Variants in ARHGAP22 observed in about 807,000 individuals in gnomAD.
The protein encoded by ARHGAP22 is Rho GTPase activating protein 22.
In ARHGAP22, 48 loss-of-function variants were observed where a neutral mutation model predicts 59.1. That is an observed-to-expected ratio of 0.81 (90% confidence interval 0.64 to 1.03). The LOEUF is 1.03. ARHGAP22 is among the 50% of genes least tolerant of loss of function. ARHGAP22 has a pLI of 0.00. For missense variants in ARHGAP22, 1,015 were observed against 958.7 expected (o/e 1.06, Z -0.78); for synonymous variants, 445 against 416.4 (o/e 1.07, Z -0.84).
At chr10:48,600,134 T>A (rs2060296074) in intron 1 of ARHGAP22, among the ~76,000 whole-genome samples, 1 of 152,204 alleles carries the variant, frequency 6.6e-6, no homozygotes, top group African/African-American at 2.4e-5. Flanking sequence ...AATAGGACAT[T>A]TGCATGTAAT....
chr10:48,558,338 ATG>A (rs1491320734), intron 2 of ARHGAP22, among the ~76,000 whole-genome samples: 4 of 83,272 alleles, frequency 4.8e-5, no homozygotes, highest in Non-Finnish European at 1.2e-4. Flanking sequence ...TTGCGATTTA[ATG>A]TTTTTTTTTT....
intron 3 of ARHGAP22, among the ~76,000 whole-genome samples, chr10:48,491,762 G>A (rs1163050999): frequency 1.3e-5 from 2 of 152,376 alleles, no homozygotes; most frequent in East Asian, 3.9e-4. Context: ...GATCTTGAGG[G>A]AAGCAGTATC....
chr10:48,510,777 G>A (rs183829903), intron 3 of ARHGAP22: 1 of 152,342 alleles, frequency 6.6e-6, no homozygotes, highest in East Asian at 1.9e-4. Context: ...CCAGACTCAG[G>A]GGCTGTGGGT....
Position 48,459,896 on chromosome 10 carries a change from G to C in ARHGAP22, c.452-5C>G. ...CTAGGCGCTGCCCAAAGATCCCTGA[G>C]CACAGAGAGGAGCTAGTCACACCCT... On this transcript the variant is annotated splice_polypyrimidine_tract_variant and splice_region_variant and intron_variant, in intron 4 of 9. Coordinates refer to ENST00000249601, the MANE Select transcript of ARHGAP22 (RefSeq NM_021226.4). The C allele has an allele frequency of 6.2e-7, 1 of 1,610,982 alleles. No individual in the cohort carries two copies. The highest frequency in any genetic ancestry group is 8.5e-7 in the Non-Finnish European group (1 of 1,179,330).
intron 8 of ARHGAP22, chr10:48,451,345 C>T (rs2045927005): frequency 1.3e-6 from 1 of 762,116 alleles, no homozygotes; most frequent in Non-Finnish European, 2.3e-6. Context: ...GGCCGCAGAA[C>T]CGCCTTCCTC....
At chr10:48,595,935 A>G (rs1055202148) in intron 1 of ARHGAP22, among the ~76,000 whole-genome samples, 2 of 152,232 alleles carry the variant, frequency 1.3e-5, no homozygotes, top group Admixed American at 1.3e-4. Flanking sequence ...ATGAAGAACT[A>G]GAGCCAATAA....
In ARHGAP22 at chr10:48,463,121, C is replaced by T. The variant is rs537950720; in HGVS notation, c.452-3230G>A. On this transcript the variant is annotated intron_variant, in intron 4 of 9. Coordinates refer to ENST00000249601, the MANE Select transcript of ARHGAP22 (RefSeq NM_021226.4). ...CTTAAAAAATCCAGACGTGGTGACA[C>T]CAGGCCTGAGTTCCAAAAAAAGCAA... is the stretch of plus-strand genomic sequence containing the variant. Among the ~76,000 whole-genome samples, 18 of 152,342 alleles carry T rather than the reference C, an allele frequency of 1.2e-4. No homozygotes were observed. In the South Asian group the frequency reaches 3.5e-3, roughly 30 times the overall value.
At chr10:48,435,056 G>GTGT in the ARHGAP22 span, 2 of 1,214,558 alleles carry the variant, frequency 1.6e-6, no homozygotes, top group Non-Finnish European at 2.3e-6. Flanking sequence ...GGGGTGGGAG[G>GTGT]GATGGGGAGT....
At position 48,587,861 on chromosome 10, in the gene ARHGAP22, C is replaced by T. The variant is rs567697829; in HGVS notation, c.35-4709G>A. On this transcript the variant is annotated intron_variant, in intron 1 of 9. Transcript: ENST00000249601. ...GCACATTAGGAGCTCAACAAAAACT[C>T]GGTAACTCATCAGCACAGTCCAGCT... 2.6e-5 allele frequency among the ~76,000 whole-genome samples: 4 copies of T among 152,330 alleles called. No individual in the cohort carries two copies. In the South Asian group the frequency reaches 6.2e-4, roughly 24 times the overall value.
intron 5 of ARHGAP22, 38 bp from the exon 6 acceptor site, chr10:48,455,172 A>G (rs1451177504): frequency 8.9e-6 from 14 of 1,570,352 alleles, no homozygotes; most frequent in African/African-American, 1.3e-5. Flanking sequence ...GAGGCCTGGG[A>G]TGCCAGGGGA....
At chr10:48,541,875 C>T (rs144803738) in intron 3 of ARHGAP22, among the ~76,000 whole-genome samples, 143 of 152,340 alleles carry the variant, frequency 9.4e-4, no homozygotes, top group Non-Finnish European at 1.4e-3. Flanking sequence ...GTGACATTAC[C>T]TATTGAGCTC....
intron 3 of ARHGAP22, among the ~76,000 whole-genome samples, chr10:48,516,235 G>C (rs929935040): frequency 2.6e-5 from 4 of 152,172 alleles, no homozygotes; most frequent in Non-Finnish European, 5.9e-5. Flanking sequence ...ATATGAAAAA[G>C]AGTTTGTGGC....
intron 4 of ARHGAP22, among the ~76,000 whole-genome samples, chr10:48,472,907 G>A (rs1262444827): frequency 6.6e-6 from 1 of 152,126 alleles, no homozygotes; most frequent in Non-Finnish European, 1.5e-5. Context: ...AATATAAAAT[G>A]GGGCAGCCAC....
At chr10:48,506,348 C>T (rs1172290004) in intron 3 of ARHGAP22, among the ~76,000 whole-genome samples, 2 of 152,194 alleles carry the variant, frequency 1.3e-5, no homozygotes, top group Non-Finnish European at 2.9e-5. Flanking sequence ...CAGTACAAAC[C>T]TGCACAGCAT....
At chr10:48,560,769 C>A (rs1250733413) in intron 2 of ARHGAP22, among the ~76,000 whole-genome samples, 2 of 152,070 alleles carry the variant, frequency 1.3e-5, no homozygotes, top group Non-Finnish European at 2.9e-5. Context: ...TATTTTTTCT[C>A]TTTCTTCATT....
At chr10:48,625,684 T>A (rs1269747492) in intron 1 of ARHGAP22, among the ~76,000 whole-genome samples, 1 of 142,294 alleles carries the variant, frequency 7.0e-6, no homozygotes, top group Non-Finnish European at 1.5e-5. Flanking sequence ...AGGGCCTCCC[T>A]GCAACGTGTA....
intron 1 of ARHGAP22, among the ~76,000 whole-genome samples, chr10:48,628,681 G>A (rs1452569055): frequency 6.6e-6 from 1 of 152,186 alleles, no homozygotes; most frequent in East Asian, 1.9e-4. Context: ...AAGTTATCGA[G>A]TCATGGCCTT....
In ARHGAP22 at chr10:48,587,163, G is replaced by T. The variant is rs556976250; in HGVS notation, c.35-4011C>A. Among the ~76,000 whole-genome samples the T allele has an allele frequency of 2.0e-5, 3 of 152,334 alleles. No individual in the cohort carries two copies. The East Asian group carries it at 5.8e-4, about 29-fold the overall frequency. ...CCAGAAGAGACCCAAAGCATCAGAA[G>T]GGGCCTTTCTGCTCCAGGGCTGCTG... On this transcript the variant is annotated intron_variant, in intron 1 of 9. Coordinates refer to ENST00000249601, the MANE Select transcript of ARHGAP22 (RefSeq NM_021226.4).
Position 48,451,151 on chromosome 10 carries a change from G to C in ARHGAP22, c.989-11C>G. ...GGACGAGGGAAGTGCCTGCCGGGAA[G>C]AGAGGCGGAGAAGGGCCTTGCTGCC... On this transcript the variant is annotated splice_polypyrimidine_tract_variant and intron_variant, in intron 8 of 9. Transcript: ENST00000249601. The C allele has an allele frequency of 1.3e-6, 2 of 1,551,034 alleles. No homozygotes were observed. The highest frequency in any genetic ancestry group is 8.7e-7 in the Non-Finnish European group (1 of 1,147,154).
Sources: allele counts gnomAD v4.1 joint callset (sites outside exome capture counted in the v4.1 genomes callset), GRCh38; gene constraint gnomAD v4.1.1; transcripts MANE v1.5; gene names NCBI Gene and HGNC (gene_info 2026-07-23, HGNC 2026-07-21).